Variants in GOLGB1 observed in about 807,000 individuals in gnomAD.
The protein encoded by GOLGB1 is golgin B1, also known as golgin subfamily B member 1.
A neutral mutation model predicts 336.9 loss-of-function variants in GOLGB1; 174 were observed. The ratio of observed to expected loss-of-function variants is 0.52; its 90% CI spans 0.46 to 0.59. The LOEUF is 0.59. GOLGB1 is among the 20% of genes least tolerant of loss of function. The probability of loss-of-function intolerance (pLI) is 0.00; values close to 1 mark genes in which losing one functional copy is unlikely to be tolerated. For missense variants in GOLGB1, 3,331 were observed against 3,645.3 expected (o/e 0.91, Z 2.22); for synonymous variants, 1,208 against 1,289.2 (o/e 0.94, Z 1.35).
chr3:121,694,866 T>C lies in GOLGB1; in HGVS notation c.5657A>G (p.Asp1886Gly), dbSNP rs760624768. The C allele has an allele frequency of 1.2e-6, 2 of 1,613,892 alleles. No homozygotes were observed. Among genetic ancestry groups the C allele is most frequent in the Admixed American group, 1.7e-5 (1 of 60,018 alleles). Reference sequence around the variant, plus strand: ...CTCCTGAAGCATTTTTAGTTCACCATCCTTTGTTGATATCTGACTCAGTAA... The same window carrying C: ...CTCCTGAAGCATTTTTAGTTCACCACCCTTTGTTGATATCTGACTCAGTAA... ...NTLLSQISTK[D>G]GELKMLQEEV... Residue 1886 changes from aspartate (D) to glycine (G), a missense_variant, in exon 13 of 22, where the codon GAT becomes GGT. Transcript: ENST00000614479.
In GOLGB1 at chr3:121,697,423, G is replaced by A. The variant is rs775738744; in HGVS notation, c.3100C>T (p.Leu1034Phe). The change falls in exon 13 of 22, where the codon CTC (leucine) becomes TTC (phenylalanine). Residue 1034 changes from leucine (L) to phenylalanine (F), a missense_variant. Coordinates refer to ENST00000614479, the MANE Select transcript of GOLGB1 (RefSeq NM_001366282.2). ...ACTTCTCCCCTCTCAGTCTCACTGAGTGGGATTTCTTTCTTAGATTCATCT... is the reference window on the plus strand; with the variant it reads ...ACTTCTCCCCTCTCAGTCTCACTGAATGGGATTTCTTTCTTAGATTCATCT... ...LKDESKKEIP[L>F]SETERGEVEE... The A allele has an allele frequency of 1.9e-6, 3 of 1,611,950 alleles. No homozygotes were observed. The highest frequency in any genetic ancestry group is 2.2e-5 in the East Asian group (1 of 44,862).
At chr3:121,734,390 G>A (rs1317473556) in intron 1 of GOLGB1, among the ~76,000 whole-genome samples, 3 of 95,724 alleles carry the variant, frequency 3.1e-5, no homozygotes, top group African/African-American at 7.0e-5. Context: ...ACTCTGTCTC[G>A]GGAAAAAAAA....
At chr3:121,686,986 G>A (rs1941810635) in intron 14 of GOLGB1, among the ~76,000 whole-genome samples, 1 of 152,066 alleles carries the variant, frequency 6.6e-6, no homozygotes, top group South Asian at 2.1e-4. Context: ...TAAATTACAG[G>A]GTCTTGGCCA....
intron 10 of GOLGB1, among the ~76,000 whole-genome samples, chr3:121,711,448 T>C (rs966669128): frequency 1.1e-4 from 16 of 152,086 alleles, no homozygotes; most frequent in Admixed American, 4.6e-4. Context: ...TATGGAACAC[T>C]TTCCTCTTAG....
chr3:121,738,307 C>T (rs1039029620), intron 1 of GOLGB1, among the ~76,000 whole-genome samples: 1 of 152,114 alleles, frequency 6.6e-6, no homozygotes, highest in Non-Finnish European at 1.5e-5. Flanking sequence ...AGCAAGGGGC[C>T]CCATGGATTT....
In GOLGB1 at chr3:121,691,322, A is replaced by G; in HGVS notation, c.8042T>C (p.Ile2681Thr). 1.2e-6 allele frequency: 2 copies of G among 1,612,232 alleles called. No individual in the cohort carries two copies. Among genetic ancestry groups the G allele is most frequent in the East Asian group, 2.2e-5 (1 of 44,864 alleles). The change falls in exon 14 of 22, where the codon ATT becomes ACT. Residue 2681 changes from isoleucine (I) to threonine (T), a missense_variant. Physicochemically the swap from Ile to Thr is moderately conservative, Grantham distance 89. Transcript: ENST00000614479. ...TAATTCTTTCTTCAGTTTATCTTCAATTTCACCTACCTTCTTGGCAGCTTC... is the reference window on the plus strand; with the variant it reads ...TAATTCTTTCTTCAGTTTATCTTCAGTTTCACCTACCTTCTTGGCAGCTTC... ...QKEAAKKVGE[I>T]EDKLKKELKH...
chr3:121,741,671 A>G (rs1371134606), intron 1 of GOLGB1, among the ~76,000 whole-genome samples: 1 of 152,162 alleles, frequency 6.6e-6, no homozygotes, highest in African/African-American at 2.4e-5. Flanking sequence ...CGAAATACAA[A>G]CTAATCTTTG....
At chr3:121,693,268 C>T (rs1213047268) in intron 13 of GOLGB1, among the ~76,000 whole-genome samples, 1 of 152,108 alleles carries the variant, frequency 6.6e-6, no homozygotes, top group Non-Finnish European at 1.5e-5. Context: ...GGGTGGATCA[C>T]CTGAGGTCAG....
intron 10 of GOLGB1, among the ~76,000 whole-genome samples, chr3:121,714,531 A>C: frequency 6.6e-6 from 1 of 152,174 alleles, no homozygotes. Flanking sequence ...TTACCAAAAA[A>C]AAAAAAGACT....
At position 121,697,451 on chromosome 3, in the gene GOLGB1, C is replaced by T. The variant is rs34938201; in HGVS notation, c.3072G>A (p.Leu1024=). 1.6e-4 allele frequency: 257 copies of T among 1,611,302 alleles called. No individual in the cohort carries two copies. The African/African-American group carries it at 2.9e-3, about 18-fold the overall frequency. The part of the protein sequence containing the change: ...VSRLEEELAN[L]KDESKKEIPL... Reference sequence around the variant, plus strand: ...GGATTTCTTTCTTAGATTCATCTTTCAAGTTGGCTAATTCTTCTTCCAATC... The same window carrying T: ...GGATTTCTTTCTTAGATTCATCTTTTAAGTTGGCTAATTCTTCTTCCAATC... The change falls in exon 13 of 22, where the codon TTG becomes TTA. Residue 1024 remains leucine (L), a synonymous_variant. Transcript: ENST00000614479.
In GOLGB1 at chr3:121,696,743, T is replaced by C; in HGVS notation, c.3780A>G (p.Glu1260=). 1 of 1,614,146 alleles carries C rather than the reference T, an allele frequency of 6.2e-7. No individual in the cohort carries two copies. The highest frequency in any genetic ancestry group is 8.5e-7 in the Non-Finnish European group (1 of 1,179,976). ...CTAAACCTGGAGTGGAAGAACACGATTCCTGCTGGTCTGTGCTTGGGAGTT... is the reference window on the plus strand; with the variant it reads ...CTAAACCTGGAGTGGAAGAACACGACTCCTGCTGGTCTGTGCTTGGGAGTT... ...DGKLPSTDQQ[E]SCSSTPGLEE... Residue 1260 remains glutamate, a synonymous_variant, in exon 13 of 22, where the codon GAA becomes GAG. Coordinates refer to ENST00000614479, the MANE Select transcript of GOLGB1 (RefSeq NM_001366282.2).
At chr3:121,665,054 C>G in intron 20 of GOLGB1, 23 bp from the exon 21 acceptor site, 1 of 1,337,340 alleles carries the variant, frequency 7.5e-7, no homozygotes, top group East Asian at 2.3e-5. Context: ...AAAAAAGAGG[C>G]ATAGCATTGG....
At chr3:121,708,489 C>T (rs984931622) in intron 10 of GOLGB1, among the ~76,000 whole-genome samples, 2 of 151,874 alleles carry the variant, frequency 1.3e-5, no homozygotes, top group Admixed American at 6.6e-5. Flanking sequence ...AAAAATTTGC[C>T]AGGCATGGTG....
At chr3:121,748,589 T>C (rs960764829) in intron 1 of GOLGB1, among the ~76,000 whole-genome samples, 1 of 152,222 alleles carries the variant, frequency 6.6e-6, no homozygotes, top group Non-Finnish European at 1.5e-5. Flanking sequence ...CTGCCATTTT[T>C]CCAATAGGAT....
chr3:121,690,798 C>T lies in GOLGB1; in HGVS notation c.8566G>A (p.Glu2856Lys), dbSNP rs1489396616. The change falls in exon 14 of 22, where the codon GAG becomes AAG. Residue 2856 changes from glutamate to lysine, a missense_variant. Transcript: ENST00000614479. ...TCTGACTTTCGAAATTTCTCCAGCT[C>T]ATTCCACAGGTGATCTCTCTCATTC... ...LQNERDHLWN[E>K]LEKFRKSEEG... 1 of 1,602,310 alleles carries T rather than the reference C, an allele frequency of 6.2e-7. No homozygotes were observed. The highest frequency in any genetic ancestry group is 2.2e-5 in the East Asian group (1 of 44,842).
chr3:121,674,884 G>A (rs537386095), intron 17 of GOLGB1, among the ~76,000 whole-genome samples: 168 of 142,564 alleles, frequency 1.2e-3, no homozygotes, highest in East Asian at 2.1e-3. Flanking sequence ...GCCGGACTGC[G>A]GACTGCAGTG....
At chr3:121,675,744 T>C (rs1328998340) in intron 17 of GOLGB1, among the ~76,000 whole-genome samples, 2 of 152,252 alleles carry the variant, frequency 1.3e-5, no homozygotes, top group Non-Finnish European at 2.9e-5. Context: ...CTGTATGTTT[T>C]ACTTCAATAA....
intron 10 of GOLGB1, among the ~76,000 whole-genome samples, chr3:121,713,121 C>T (rs1035819306): frequency 6.6e-6 from 1 of 152,038 alleles, no homozygotes. Flanking sequence ...GAGATCGCAC[C>T]ACTGTTCTCC....
At chr3:121,748,331 T>C (rs1295828641) in intron 1 of GOLGB1, among the ~76,000 whole-genome samples, 1 of 152,248 alleles carries the variant, frequency 6.6e-6, no homozygotes, top group East Asian at 1.9e-4. Flanking sequence ...TCATACACTA[T>C]AAATAATTAA....
Sources: allele counts gnomAD v4.1 joint callset (sites outside exome capture counted in the v4.1 genomes callset), GRCh38; gene constraint gnomAD v4.1.1; transcripts MANE v1.5; gene names NCBI Gene and HGNC (gene_info 2026-07-23, HGNC 2026-07-21).